Variants in MRAS observed in about 807,000 individuals in gnomAD.
MRAS encodes the protein ras-related protein M-Ras.
Under a neutral mutation model 20.9 loss-of-function variants are expected in MRAS, and 4 were observed. The observed-to-expected ratio is 0.19, with a 90% CI of 0.09 to 0.44. The LOEUF is 0.44. Ranked by LOEUF, MRAS falls within the 20% of genes least tolerant of loss-of-function variation. MRAS has a pLI of 0.99. For synonymous variants in MRAS, 98 were observed against 102.9 expected, an observed-to-expected ratio of 0.95 and a Z score of 0.29; for missense variants, 154 against 277.5, an observed-to-expected ratio of 0.56 and a Z score of 3.16.
At chr3:138,365,435 T>C (rs184754339) in intron 1 of MRAS, among the ~76,000 whole-genome samples, 13 of 152,250 alleles carry the variant, frequency 8.5e-5, no homozygotes, top group African/African-American at 3.1e-4. Context: ...GGGTCACGAG[T>C]AAGCCCAACA....
intron 2 of MRAS, among the ~76,000 whole-genome samples, chr3:138,390,906 T>C (rs1300207886): frequency 1.3e-5 from 2 of 152,268 alleles, no homozygotes; most frequent in Non-Finnish European, 2.9e-5. Context: ...TCCATTTCAT[T>C]GAGAATTGAA....
intron 2 of MRAS, among the ~76,000 whole-genome samples, chr3:138,380,928 C>T (rs1231197227): frequency 2.0e-5 from 3 of 152,142 alleles, no homozygotes; most frequent in Non-Finnish European, 4.4e-5. Context: ...TGCCACCACA[C>T]CCAGCTAATT....
intron 4 of MRAS, 114 bp from the exon 5 acceptor site, chr3:138,400,420 G>A (rs75374278): frequency 3.4e-6 from 3 of 872,966 alleles, no homozygotes; most frequent in African/African-American, 3.3e-5. Flanking sequence ...TGGGGCTTCT[G>A]TGGGGGGTTT....
intron 2 of MRAS, among the ~76,000 whole-genome samples, chr3:138,379,518 C>A (rs1029192015): frequency 6.6e-6 from 1 of 152,002 alleles, no homozygotes; most frequent in Non-Finnish European, 1.5e-5. Flanking sequence ...CCAACACGCT[C>A]GGCTAATTTT....
Position 138,397,352 on chromosome 3 carries a change from C to T in MRAS, c.222C>T (p.Phe74=), listed in dbSNP as rs758785723. The T allele has an allele frequency of 6.2e-7, 1 of 1,614,116 alleles. No homozygotes were observed. Among genetic ancestry groups the T allele is most frequent in the Non-Finnish European group, 8.5e-7 (1 of 1,179,986 alleles). The change falls in exon 3 of 6, where the codon TTC becomes TTT. Residue 74 remains phenylalanine, a synonymous_variant. Transcript: ENST00000423968. ...DVLDTAGQEE[F]SAMREQYMRT... ...TGGACACAGCTGGGCAGGAGGAATT[C>T]AGCGCCATGCGGGAGCAATACATGC...
At chr3:138,376,361 T>A (rs1337264681) in intron 2 of MRAS, among the ~76,000 whole-genome samples, 1 of 152,240 alleles carries the variant, frequency 6.6e-6, no homozygotes, top group Admixed American at 6.5e-5. Context: ...ATTCTGCCTT[T>A]TATGGTTGGA....
chr3:138,378,698 G>A (rs1032555072), intron 2 of MRAS, among the ~76,000 whole-genome samples: 4 of 152,192 alleles, frequency 2.6e-5, no homozygotes, highest in African/African-American at 9.7e-5. Flanking sequence ...GAGCCATAGA[G>A]TTTTGTGTTT....
intron 2 of MRAS, among the ~76,000 whole-genome samples, chr3:138,378,651 CTCTT>C (rs1482848376): frequency 2.0e-5 from 3 of 152,232 alleles, no homozygotes; most frequent in Non-Finnish European, 4.4e-5. Flanking sequence ...CCCCAATTCT[CTCTT>C]GTCATGAATC....
chr3:138,378,555 C>G (rs1340971121), intron 2 of MRAS, among the ~76,000 whole-genome samples: 1 of 152,180 alleles, frequency 6.6e-6, no homozygotes, highest in African/African-American at 2.4e-5. Flanking sequence ...TTCGGCTGTC[C>G]CATCTCCATG....
chr3:138,372,951 G>T lies in MRAS; in HGVS notation c.68G>T (p.Gly23Val), dbSNP rs1576359216. ...AAGCTGGTGGTGGTGGGGGATGGGG[G>T]TGTGGGCAAAAGTGCCCTCACCATC... ...TYKLVVVGDG[G>V]VGKSALTIQF... The change falls in exon 2 of 6, where the codon GGT becomes GTT. Residue 23 changes from glycine (G) to valine (V), a missense_variant. Transcript: ENST00000423968. 6.4e-7 allele frequency: 1 copy of T among 1,564,706 alleles called. No homozygotes were observed. The highest frequency in any genetic ancestry group is 8.6e-7 in the Non-Finnish European group (1 of 1,159,522).
rs976120315 is a variant in MRAS at position 138,348,594 on chromosome 3, G to A, written c.-192G>A. 1.3e-5 allele frequency: 2 copies of A among 151,860 alleles called. No homozygotes were observed. Among genetic ancestry groups the A allele is most frequent in the Non-Finnish European group, 2.9e-5 (2 of 67,978 alleles). The allele number at this position is 151,860 out of a possible 1,614,324, so 9.4% of individuals were successfully genotyped here. A position where few individuals can be genotyped will look rare whatever the true frequency, so the allele number is the denominator to read the frequency against. On this transcript the variant is annotated 5_prime_UTR_variant, in exon 1 of 6. Coordinates refer to ENST00000423968, the MANE Select transcript of MRAS (RefSeq NM_001085049.3). ...CTAGGCGCTCGGGGCGCACGCTGGC[G>A]GCGCGGTCGCTTTAAGGAGGCGCCG...
chr3:138,355,920 T>A (rs2054321956), intron 1 of MRAS, among the ~76,000 whole-genome samples: 1 of 152,140 alleles, frequency 6.6e-6, no homozygotes, highest in Non-Finnish European at 1.5e-5. Flanking sequence ...ACAGAGAGAC[T>A]CTGTCTCAAA....
chr3:138,386,325 G>T (rs548204847), intron 2 of MRAS, among the ~76,000 whole-genome samples: 11 of 151,766 alleles, frequency 7.2e-5, no homozygotes, highest in Non-Finnish European at 1.0e-4. Context: ...TTATGGATTT[G>T]CCTACTCCAG....
intron 2 of MRAS, among the ~76,000 whole-genome samples, chr3:138,394,601 T>A (rs748060487): frequency 6.6e-6 from 1 of 152,202 alleles, no homozygotes; most frequent in Non-Finnish European, 1.5e-5. Context: ...TCTCTATGTC[T>A]GACTTAAGTC....
Position 138,397,275 on chromosome 3 carries a change from G to GCTACAGGGTAGGTGAGGA in MRAS, c.194-47_194-30dup. On this transcript the variant is annotated intron_variant, in intron 2 of 5. Coordinates refer to ENST00000423968, the MANE Select transcript of MRAS (RefSeq NM_001085049.3). ...TGTTGGAGTCTTGCAGGCTGTGGGGGCTACAGGGTAGGTGAGGACAGCCCC... is the reference window on the plus strand; with the variant it reads ...TGTTGGAGTCTTGCAGGCTGTGGGGGCTACAGGGTAGGTGAGGACTACAGGGTAGGTGAGGACAGCCCC... The GCTACAGGGTAGGTGAGGA allele has an allele frequency of 3.1e-6, 5 of 1,597,834 alleles. No individual in the cohort carries two copies. In the South Asian group the frequency reaches 4.5e-5, roughly 14 times the overall value.
intron 1 of MRAS, among the ~76,000 whole-genome samples, chr3:138,354,594 C>A (rs577387612): frequency 2.0e-5 from 3 of 152,254 alleles, no homozygotes; most frequent in Non-Finnish European, 2.9e-5. Flanking sequence ...TGGCTATGAT[C>A]TTTTTCAGAG....
chr3:138,377,243 C>G (rs2054802186), intron 2 of MRAS, among the ~76,000 whole-genome samples: 1 of 152,216 alleles, frequency 6.6e-6, no homozygotes, highest in Non-Finnish European at 1.5e-5. Flanking sequence ...CCCACCCAGG[C>G]CTTCCTCGGG....
rs78076671 is a variant in MRAS, at chr3:138,368,173, G to A, written c.-18-4693G>A. ...ATGGAAACAATGCTCTAAATGATGGGTGATGTTCCCACACAGGCCTATTTT... is the reference window on the plus strand; with the variant it reads ...ATGGAAACAATGCTCTAAATGATGGATGATGTTCCCACACAGGCCTATTTT... On this transcript the variant is annotated intron_variant, in intron 1 of 5. Transcript: ENST00000423968. 7.1e-3 allele frequency among the ~76,000 whole-genome samples: 1,083 copies of A among 152,348 alleles called. 8 individuals carry two copies. The highest frequency in any genetic ancestry group is 0.024 in the African/African-American group (1,011 of 41,578).
At chr3:138,373,202 A>C (rs2054711227) in intron 2 of MRAS, 126 bp downstream of exon 2, 3 of 916,888 alleles carry the variant, frequency 3.3e-6, no homozygotes, top group Non-Finnish European at 4.5e-6. Flanking sequence ...GTTGATATAA[A>C]GCCGTGTGTC....
Sources: gnomAD v4.1 joint callset for allele counts (sites outside exome capture counted in the v4.1 genomes callset) on GRCh38, gnomAD v4.1.1 for gene constraint, MANE v1.5 for transcripts, NCBI Gene and HGNC (gene_info 2026-07-23, HGNC 2026-07-21) for gene names.